Variants in RBPJ observed in about 807,000 individuals in gnomAD.
RBPJ encodes the protein recombination signal binding protein for immunoglobulin kappa J region.
In RBPJ, 9 loss-of-function variants were observed where a neutral mutation model predicts 67.8. The observed-to-expected ratio is 0.13, with a 90% CI of 0.08 to 0.23. The LOEUF (loss-of-function observed/expected upper bound fraction) is 0.23, where lower values mean the gene tolerates loss of function less well. Among genes scored for constraint, RBPJ ranks in the 10% least tolerant of loss-of-function variants. The pLI, the probability that RBPJ is intolerant of heterozygous loss-of-function variation, is 1.00. For synonymous variants in RBPJ, 198 were observed against 203.3 expected (o/e 0.97, Z 0.22); for missense variants, 305 against 595.6 (o/e 0.51, Z 5.08).
At chr4:26,359,313 T>G (rs1727752248) in intron 1 of RBPJ, among the ~76,000 whole-genome samples, 1 of 152,164 alleles carries the variant, frequency 6.6e-6, no homozygotes. Flanking sequence ...AACGTTTCCA[T>G]TGTATGGGTG....
chr4:26,394,873 T>G (rs1166776507), intron 2 of RBPJ, among the ~76,000 whole-genome samples: 1 of 152,206 alleles, frequency 6.6e-6, no homozygotes, highest in Non-Finnish European at 1.5e-5. Context: ...ATCCGTTTAA[T>G]GTCATGAGGT....
chr4:26,385,619 C>T (rs889541191), intron 1 of RBPJ, among the ~76,000 whole-genome samples: 1 of 152,110 alleles, frequency 6.6e-6, no homozygotes, highest in Non-Finnish European at 1.5e-5. Flanking sequence ...CTATGTTAGG[C>T]CATTTTAAAA....
chr4:26,345,778 T>A (rs1726065430), intron 1 of RBPJ, among the ~76,000 whole-genome samples: 1 of 152,242 alleles, frequency 6.6e-6, no homozygotes, highest in Admixed American at 6.5e-5. Flanking sequence ...TTTTCATTTC[T>A]GCTTAGTCAG....
At position 26,321,061 on chromosome 4, in the gene RBPJ, G is replaced by A. The variant is rs762680969; in HGVS notation, c.20+13G>A. On this transcript the variant is annotated intron_variant, in intron 1 of 10. Transcript: ENST00000355476. The stretch of plus-strand genomic sequence containing the variant: ...CTGTTGTGACAGGGTAAGTCTGAGG[G>A]AATCGGAGCGCCGGGAACCGGGAAA... 1 of 1,595,512 alleles carries A rather than the reference G, an allele frequency of 6.3e-7. No homozygotes were observed. The highest frequency in any genetic ancestry group is 8.6e-7 in the Non-Finnish European group (1 of 1,164,340).
intron 1 of RBPJ, among the ~76,000 whole-genome samples, chr4:26,371,120 A>C (rs1729121128): frequency 1.3e-5 from 2 of 152,142 alleles, no homozygotes; most frequent in Admixed American, 6.5e-5. Flanking sequence ...GTCAACTTAC[A>C]ATTTTTTTCT....
At chr4:26,182,493 CT>C (rs756542568) in intron 1 of RBPJ, among the ~76,000 whole-genome samples, 353 of 142,086 alleles carry the variant, frequency 2.5e-3, no homozygotes, top group Middle Eastern at 3.6e-3. Flanking sequence ...ACTTTTTAAA[CT>C]TTTTTTTTTT....
chr4:26,194,117 T>C (rs1163146187), intron 1 of RBPJ, among the ~76,000 whole-genome samples: 1 of 152,252 alleles, frequency 6.6e-6, no homozygotes, highest in Non-Finnish European at 1.5e-5. Context: ...ACACAGGTGT[T>C]TATCCAGAAC....
chr4:26,168,139 C>T (rs1422665764), intron 1 of RBPJ, among the ~76,000 whole-genome samples: 6 of 151,412 alleles, frequency 4.0e-5, no homozygotes, highest in African/African-American at 7.3e-5. Flanking sequence ...TTATTTTGCT[C>T]GTTAGTTGAT....
chr4:26,287,467 C>T (rs533802281), intron 1 of RBPJ, among the ~76,000 whole-genome samples: 4 of 150,768 alleles, frequency 2.7e-5, no homozygotes, highest in Non-Finnish European at 5.9e-5. Flanking sequence ...GTGGGAAGAT[C>T]GCTTGAGTCA....
chr4:26,424,574 A>G lies in RBPJ; in HGVS notation c.635-57A>G. ...ATATATTAAGTTTTGTCATTTGCCT[A>G]ATCATAAAATAAATTTAAAAAGATG... On this transcript the variant is annotated intron_variant, in intron 6 of 10. Transcript: ENST00000355476. The surrounding 1 kb of genome is among the most constrained non-coding windows in gnomAD (Gnocchi z 5.3). The G allele has an allele frequency of 1.3e-6, 2 of 1,557,730 alleles. No individual in the cohort carries two copies. The highest frequency in any genetic ancestry group is 1.8e-6 in the Non-Finnish European group (2 of 1,136,760).
intron 1 of RBPJ, among the ~76,000 whole-genome samples, chr4:26,202,969 A>AAAAG (rs1560208702): frequency 2.4e-5 from 1 of 41,324 alleles, no homozygotes; most frequent in Non-Finnish European, 4.8e-5. Flanking sequence ...AAGGAAGGAA[A>AAAAG]TAAGGAAGGA....
intron 1 of RBPJ, among the ~76,000 whole-genome samples, chr4:26,337,257 C>T (rs909522494): frequency 6.6e-6 from 1 of 152,134 alleles, no homozygotes; most frequent in African/African-American, 2.4e-5. Flanking sequence ...AGACGTGAGC[C>T]ACCGCACCCA....
chr4:26,247,001 G>T (rs1719951923), intron 1 of RBPJ, among the ~76,000 whole-genome samples: 1 of 146,762 alleles, frequency 6.8e-6, no homozygotes, highest in African/African-American at 2.6e-5. Flanking sequence ...TTGAGACAGG[G>T]TCTCCCTCTC....
intron 1 of RBPJ, among the ~76,000 whole-genome samples, chr4:26,194,750 C>T (rs1334632575): frequency 6.6e-6 from 1 of 152,218 alleles, no homozygotes; most frequent in Non-Finnish European, 1.5e-5. Flanking sequence ...GAGGAAGAAG[C>T]TCAACTTTCA....
chr4:26,337,924 C>T (rs1389044255), intron 1 of RBPJ, among the ~76,000 whole-genome samples: 1 of 151,768 alleles, frequency 6.6e-6, no homozygotes, highest in Non-Finnish European at 1.5e-5. Flanking sequence ...TGTCTTTTCT[C>T]ATTTTGTATA....
chr4:26,160,005 G>A (rs943892367), upstream of RBPJ, among the ~76,000 whole-genome samples: 5 of 151,422 alleles, frequency 3.3e-5, no homozygotes, highest in South Asian at 4.2e-4. Flanking sequence ...TGCAAACTCC[G>A]CTTCCCGAGT....
At chr4:26,162,692 C>T (rs1353468834), upstream of RBPJ, among the ~76,000 whole-genome samples, 1 of 152,138 alleles carries the variant, frequency 6.6e-6, no homozygotes, top group East Asian at 1.9e-4. Context: ...GTGGCAAGAC[C>T]ACGATGTCTT....
intron 2 of RBPJ, among the ~76,000 whole-genome samples, chr4:26,399,631 G>T (rs1412446613): frequency 6.6e-6 from 1 of 151,988 alleles, no homozygotes; most frequent in East Asian, 1.9e-4. Flanking sequence ...AATGGCATTT[G>T]CCATAATTCC....
chr4:26,425,882 A>G (rs1196018270), intron 7 of RBPJ, among the ~76,000 whole-genome samples: 1 of 150,508 alleles, frequency 6.6e-6, no homozygotes, highest in African/African-American at 2.4e-5. Flanking sequence ...ACTGGCTTAT[A>G]TTTTCTGGGG....
Sources: gnomAD v4.1 joint callset for allele counts (sites outside exome capture counted in the v4.1 genomes callset) on GRCh38, gnomAD v4.1.1 for gene constraint, Gnocchi (gnomAD v3.1) non-coding constraint, MANE v1.5 for transcripts, NCBI Gene and HGNC (gene_info 2026-07-23, HGNC 2026-07-21) for gene names.